Variants in ZNF738 observed in about 807,000 individuals in gnomAD.
ZNF738 encodes zinc finger protein 738.
A neutral mutation model predicts 9.2 loss-of-function variants in ZNF738; 10 were observed. That is an observed-to-expected ratio of 1.09 (90% CI 0.67 to 1.85). The LOEUF is 1.85. ZNF738 is among the 40% of genes most tolerant of loss of function. The pLI is 0.00. For synonymous variants in ZNF738, 113 were observed against 94.5 expected (o/e 1.20, Z -1.14); for missense variants, 346 against 283.6 (o/e 1.22, Z -1.58).
At chr19:21,381,711 T>G (rs1974006934) in intron 4 of ZNF738, 1 of 328,864 alleles carries the variant, frequency 3.0e-6, no homozygotes, top group African/African-American at 2.2e-5. Context: ...GCCAGGATGG[T>G]CTCGATCTCC....
chr19:21,375,938 G>A lies in ZNF738; in HGVS notation c.293G>A (p.Arg98Lys). The A allele has an allele frequency of 1.3e-6, 1 of 789,584 alleles. No homozygotes were observed. The highest frequency in any genetic ancestry group is 2.3e-6 in the Non-Finnish European group (1 of 430,090). 48.9% of individuals were successfully genotyped at this position (789,584 alleles called of 1,614,324 possible). A position where few individuals can be genotyped will look rare whatever the true frequency, so the allele number is the denominator to read the frequency against. The change falls in exon 4 of 5, where the codon AGA becomes AAA. Residue 98 changes from arginine to lysine, a missense_variant. Physicochemically the swap from Arg to Lys is conservative, Grantham distance 26. Transcript: ENST00000683779. ...GGAAAAGATCCCTGGAATATGAAGA[G>A]ACACAGTATGGTAGCCACACCCCCA... ...EQGKDPWNMK[R>K]HSMVATPPVT...
chr19:21,359,691 C>T (rs911598033), intron 1 of ZNF738, among the ~76,000 whole-genome samples: 1 of 152,142 alleles, frequency 6.6e-6, no homozygotes, highest in Non-Finnish European at 1.5e-5. Flanking sequence ...TCCTGGCTAA[C>T]ACGGTGAAAC....
Position 21,386,764 on chromosome 19 carries a change from A to G in ZNF738, c.*3090A>G, listed in dbSNP as rs1353956635. 1 of 175,824 alleles carries G rather than the reference A, an allele frequency of 5.7e-6. No individual in the cohort carries two copies. The highest frequency in any genetic ancestry group is 1.2e-5 in the Non-Finnish European group (1 of 82,338). The allele number at this position is 175,824 out of a possible 1,614,324, so 10.9% of individuals were successfully genotyped here. A position where few individuals can be genotyped will look rare whatever the true frequency, so the allele number is the denominator to read the frequency against. On this transcript the variant is annotated 3_prime_UTR_variant, in exon 5 of 5. Transcript: ENST00000683779. Reference sequence around the variant, plus strand: ...TCACTCTTGTTGCCAAGGCTGCAATACTGTGGCATGATTTCAGCTCACTGC... The same window carrying G: ...TCACTCTTGTTGCCAAGGCTGCAATGCTGTGGCATGATTTCAGCTCACTGC...
At position 21,387,474 on chromosome 19, in the gene ZNF738, GC is replaced by G. The variant is rs1974080537; in HGVS notation, c.*3802del. Among the ~76,000 whole-genome samples, 1 of 152,182 alleles carries G rather than the reference GC, an allele frequency of 6.6e-6. No individual in the cohort carries two copies. Among genetic ancestry groups the G allele is most frequent in the South Asian group, 2.1e-4 (1 of 4,828 alleles). On this transcript the variant is annotated 3_prime_UTR_variant, in exon 5 of 5. Coordinates refer to ENST00000683779, the MANE Select transcript of ZNF738 (RefSeq NM_001355237.2). ...CAAAGTGCTGGGATTACAGGCATGA[GC>G]CACCACTCCCTGCCTTACTTGATTA...
intron 2 of ZNF738, among the ~76,000 whole-genome samples, chr19:21,369,585 T>G (rs181056618): frequency 6.6e-6 from 1 of 150,910 alleles, no homozygotes; most frequent in East Asian, 1.9e-4. Flanking sequence ...CCAGTTTCAA[T>G]CTTCTACATA....
chr19:21,382,286 G>T (rs1164671591), intron 4 of ZNF738, among the ~76,000 whole-genome samples: 1 of 150,616 alleles, frequency 6.6e-6, no homozygotes, highest in Non-Finnish European at 1.5e-5. Flanking sequence ...CTGTCACCCA[G>T]GCTGGAGTGC....
chr19:21,377,823 T>C (rs1973951781), intron 4 of ZNF738: 2 of 367,408 alleles, frequency 5.4e-6, no homozygotes, highest in Admixed American at 4.6e-5. Context: ...AATAAATTTC[T>C]TTATTGAAAG....
chr19:21,373,949 A>G (rs1181410583), intron 2 of ZNF738, among the ~76,000 whole-genome samples: 3 of 152,282 alleles, frequency 2.0e-5, no homozygotes, highest in Admixed American at 1.3e-4. Context: ...GGGTCTCTGC[A>G]AAGTATCTCT....
intron 4 of ZNF738, 50 bp downstream of exon 4, chr19:21,376,014 T>TAG: frequency 1.5e-6 from 1 of 672,254 alleles, no homozygotes. Flanking sequence ...GTTGGAAGAT[T>TAG]ACAAAAAAAA....
At chr19:21,372,658 A>G (rs1268128375) in intron 2 of ZNF738, 2 of 152,216 alleles carry the variant, frequency 1.3e-5, no homozygotes, top group African/African-American at 4.8e-5. Context: ...TAAACACAAA[A>G]AAATTTCTCT....
rs1974045618 is a variant in ZNF738 at position 21,384,627 on chromosome 19, C to G, written c.*953C>G. Among the ~76,000 whole-genome samples the G allele has an allele frequency of 6.6e-6, 1 of 152,064 alleles. No homozygotes were observed. Among genetic ancestry groups the G allele is most frequent in the Non-Finnish European group, 1.5e-5 (1 of 68,018 alleles). On this transcript the variant is annotated 3_prime_UTR_variant, in exon 5 of 5. Coordinates refer to ENST00000683779, the MANE Select transcript of ZNF738 (RefSeq NM_001355237.2). ...CAAAGCTTTTTAAAAATCCTCAAACCTTACTAATCATAAGATAACTCATAC... is the reference window on the plus strand; with the variant it reads ...CAAAGCTTTTTAAAAATCCTCAAACGTTACTAATCATAAGATAACTCATAC...
chr19:21,388,116 TCTAAAA>T lies in ZNF738; in HGVS notation c.*4448_*4453del, dbSNP rs1405454803. ...CAAGAGTTCTGAGTATAGAAAATAA[TCTAAAA>T]CTAAAGTTGATAGAAAAAGTATTTG... is the stretch of plus-strand genomic sequence containing the variant. On this transcript the variant is annotated 3_prime_UTR_variant, in exon 5 of 5. Coordinates refer to ENST00000683779, the MANE Select transcript of ZNF738 (RefSeq NM_001355237.2). Among the ~76,000 whole-genome samples, 3 of 152,158 alleles carry T rather than the reference TCTAAAA, an allele frequency of 2.0e-5. No homozygotes were observed. Among genetic ancestry groups the T allele is most frequent in the African/African-American group, 7.2e-5 (3 of 41,442 alleles).
intron 2 of ZNF738, among the ~76,000 whole-genome samples, chr19:21,362,453 T>C (rs1469333630): frequency 6.6e-6 from 1 of 152,142 alleles, no homozygotes; most frequent in Non-Finnish European, 1.5e-5. Context: ...GTCTCCTGAA[T>C]GGGTGGTTCT....
intron 4 of ZNF738, chr19:21,378,729 A>T: frequency 6.1e-6 from 2 of 330,494 alleles, no homozygotes. Flanking sequence ...CCTCCCGAGT[A>T]GCTGGGATTA....
intron 1 of ZNF738, among the ~76,000 whole-genome samples, chr19:21,359,958 T>C (rs1485015726): frequency 6.6e-6 from 1 of 152,214 alleles, no homozygotes; most frequent in African/African-American, 2.4e-5. Context: ...GTTTTTAGTT[T>C]GTGGTCTATG....
At chr19:21,382,248 GT>G (rs113238653) in intron 4 of ZNF738, among the ~76,000 whole-genome samples, 13 of 138,134 alleles carry the variant, frequency 9.4e-5, no homozygotes, top group Admixed American at 2.2e-4. Context: ...ACTTCTTTTT[GT>G]TTTTTTTTTT....
At chr19:21,381,380 A>T in intron 4 of ZNF738, 2 of 1,517,066 alleles carry the variant, frequency 1.3e-6, no homozygotes, top group Non-Finnish European at 1.8e-6. Flanking sequence ...ATCTTGAATA[A>T]CTTCTTCATC....
intron 2 of ZNF738, among the ~76,000 whole-genome samples, chr19:21,366,719 G>A (rs1274464771): frequency 1.3e-5 from 2 of 152,122 alleles, no homozygotes; most frequent in African/African-American, 4.8e-5. Context: ...ATAAAAGGTG[G>A]ATTATTTATA....
chr19:21,388,009 A>T lies in ZNF738; in HGVS notation c.*4335A>T, dbSNP rs1974087649. 6.6e-6 allele frequency among the ~76,000 whole-genome samples: 1 copy of T among 152,158 alleles called. No homozygotes were observed. The highest frequency in any genetic ancestry group is 1.5e-5 in the Non-Finnish European group (1 of 68,004). ...GAAGATGCACTAAAAATGAAAAAAT[A>T]TTTAATCCAAATTAGGGCTATGTAA... On this transcript the variant is annotated 3_prime_UTR_variant, in exon 5 of 5. Coordinates refer to ENST00000683779, the MANE Select transcript of ZNF738 (RefSeq NM_001355237.2).
Sources: allele counts gnomAD v4.1 joint callset (sites outside exome capture counted in the v4.1 genomes callset), GRCh38; gene constraint gnomAD v4.1.1; transcripts MANE v1.5; gene names NCBI Gene and HGNC (gene_info 2026-07-23, HGNC 2026-07-21).